KCNH5: variants seen among roughly 807,000 people sequenced by gnomAD.
KCNH5 encodes the protein voltage-gated delayed rectifier potassium channel KCNH5.
A neutral mutation model predicts 96.1 loss-of-function variants in KCNH5; 46 were observed. The observed-to-expected ratio is 0.48, with a 90% CI of 0.38 to 0.61. KCNH5 has a LOEUF of 0.61. KCNH5 is among the 20% of genes least tolerant of loss of function. The pLI, the probability that KCNH5 is intolerant of heterozygous loss-of-function variation, is 0.00. For synonymous variants in KCNH5, 439 were observed against 449.8 expected (o/e 0.98, Z 0.30); for missense variants, 907 against 1,225.8 (o/e 0.74, Z 3.88).
chr14:62,799,720 T>TAC (rs1458423324), intron 9 of KCNH5, among the ~76,000 whole-genome samples: 38 of 114,844 alleles, frequency 3.3e-4, no homozygotes, highest in African/African-American at 1.2e-3. Context: ...TATATATATA[T>TAC]ATATATACAC....
At chr14:62,886,703 A>T (rs972546677) in intron 7 of KCNH5, among the ~76,000 whole-genome samples, 1 of 152,206 alleles carries the variant, frequency 6.6e-6, no homozygotes, top group Non-Finnish European at 1.5e-5. Flanking sequence ...CAACACGGGC[A>T]TTATTCTAAC....
At chr14:62,893,153 T>A (rs1888745293) in intron 7 of KCNH5, among the ~76,000 whole-genome samples, 1 of 152,162 alleles carries the variant, frequency 6.6e-6, no homozygotes, top group Non-Finnish European at 1.5e-5. Context: ...ATTTGGAACA[T>A]CATGATTCAT....
At chr14:62,821,516 A>G (rs1376058966) in intron 8 of KCNH5, among the ~76,000 whole-genome samples, 1 of 152,100 alleles carries the variant, frequency 6.6e-6, no homozygotes, top group African/African-American at 2.4e-5. Flanking sequence ...TCAAACTATC[A>G]TCTTTTTGAA....
At chr14:62,923,158 G>T (rs1323118705) in intron 7 of KCNH5, among the ~76,000 whole-genome samples, 3 of 151,872 alleles carry the variant, frequency 2.0e-5, no homozygotes, top group African/African-American at 7.2e-5. Flanking sequence ...AAAATCAGTT[G>T]TGTTTCTATA....
At chr14:62,878,582 T>C (rs1888430753) in intron 7 of KCNH5, among the ~76,000 whole-genome samples, 2 of 151,964 alleles carry the variant, frequency 1.3e-5, no homozygotes, top group African/African-American at 4.8e-5. Flanking sequence ...TATGAGAAAA[T>C]ATACAAAATA....
intron 7 of KCNH5, among the ~76,000 whole-genome samples, chr14:62,929,137 C>T (rs1167860987): frequency 6.6e-6 from 1 of 152,040 alleles, no homozygotes; most frequent in African/African-American, 2.4e-5. Context: ...ATTTCCCATC[C>T]TTAAGAGATA....
intron 1 of KCNH5, among the ~76,000 whole-genome samples, chr14:63,035,782 T>G (rs1891710503): frequency 6.6e-6 from 1 of 152,178 alleles, no homozygotes; most frequent in Non-Finnish European, 1.5e-5. Context: ...ATTTCTTGCT[T>G]TCTTCAGGTT....
Position 63,030,972 on chromosome 14 carries a change from G to A in KCNH5, c.74-14018C>T, listed in dbSNP as rs538475210. On this transcript the variant is annotated intron_variant, in intron 1 of 10. Transcript: ENST00000322893. ...TTATTGGCAATGCAGAACCTGGGAC[G>A]CACCCCAGACCTTCTGAGTTAGAAC... Among the ~76,000 whole-genome samples, 6 of 152,252 alleles carry A rather than the reference G, an allele frequency of 3.9e-5. No individual in the cohort carries two copies. The South Asian group carries it at 1.2e-3, about 32-fold the overall frequency.
At chr14:62,916,046 G>A (rs1285187943) in intron 7 of KCNH5, among the ~76,000 whole-genome samples, 4 of 149,290 alleles carry the variant, frequency 2.7e-5, no homozygotes, top group African/African-American at 7.4e-5. Context: ...TCTGCCTCCC[G>A]GGTTCACACC....
At chr14:62,971,804 T>TA (rs201465552) in intron 6 of KCNH5, among the ~76,000 whole-genome samples, 253 of 147,924 alleles carry the variant, frequency 1.7e-3, no homozygotes, top group African/African-American at 4.7e-3. Context: ...ATAGCCAAAT[T>TA]AAAAAAAAAA....
intron 8 of KCNH5, among the ~76,000 whole-genome samples, chr14:62,842,036 T>G (rs780661872): frequency 1.4e-4 from 21 of 152,178 alleles, no homozygotes; most frequent in Admixed American, 3.3e-4. Context: ...AATTTCAACG[T>G]GATACAAGAA....
chr14:62,855,077 C>T (rs1017613234), intron 7 of KCNH5, among the ~76,000 whole-genome samples: 7 of 151,788 alleles, frequency 4.6e-5, no homozygotes, highest in African/African-American at 1.5e-4. Flanking sequence ...GAAACACCTG[C>T]TCTTGGAATC....
Position 62,871,029 on chromosome 14 carries a change from T to A in KCNH5, c.1370-21177A>T, listed in dbSNP as rs60286943. On this transcript the variant is annotated intron_variant, in intron 7 of 10. Coordinates refer to ENST00000322893, the MANE Select transcript of KCNH5 (RefSeq NM_139318.5). ...TCTTAAAATAGGCTCTCTCTGTTTA[T>A]ATAACATATCAGTGAAAACTGTTTT... 5.8e-3 allele frequency among the ~76,000 whole-genome samples: 889 copies of A among 152,338 alleles called. 44 individuals are homozygous for A. In the East Asian group the frequency reaches 0.11, roughly 18 times the overall value.
At chr14:62,839,194 T>C (rs1437957207) in intron 8 of KCNH5, among the ~76,000 whole-genome samples, 3 of 152,192 alleles carry the variant, frequency 2.0e-5, no homozygotes, top group African/African-American at 7.2e-5. Context: ...TGTGGCACAA[T>C]ATACTTCTGT....
intron 9 of KCNH5, among the ~76,000 whole-genome samples, chr14:62,788,575 T>G (rs1272630274): frequency 1.3e-5 from 2 of 152,152 alleles, no homozygotes. Flanking sequence ...CAGCATCACA[T>G]GCTATAGGAG....
intron 10 of KCNH5, among the ~76,000 whole-genome samples, chr14:62,722,120 C>T (rs766336702): frequency 6.6e-6 from 1 of 152,136 alleles, no homozygotes; most frequent in African/African-American, 2.4e-5. Flanking sequence ...CACATCTAAG[C>T]TCATTTGAAC....
chr14:62,876,477 G>A (rs974421360), intron 7 of KCNH5, among the ~76,000 whole-genome samples: 3 of 152,126 alleles, frequency 2.0e-5, no homozygotes, highest in African/African-American at 7.2e-5. Flanking sequence ...AAAGCAATAT[G>A]AACAATACAA....
At chr14:62,972,118 T>A (rs937198603) in intron 6 of KCNH5, among the ~76,000 whole-genome samples, 2 of 152,030 alleles carry the variant, frequency 1.3e-5, no homozygotes, top group Non-Finnish European at 2.9e-5. Context: ...TAAAGTACTA[T>A]CATCTAAAAA....
chr14:62,980,128 C>T (rs1014117403), intron 6 of KCNH5, among the ~76,000 whole-genome samples: 4 of 152,130 alleles, frequency 2.6e-5, no homozygotes, highest in African/African-American at 9.7e-5. Flanking sequence ...TGCTTGTTTC[C>T]ACCAGGATTG....
Sources: allele counts gnomAD v4.1 joint callset (sites outside exome capture counted in the v4.1 genomes callset), GRCh38; gene constraint gnomAD v4.1.1; transcripts MANE v1.5; gene names NCBI Gene and HGNC (gene_info 2026-07-23, HGNC 2026-07-21).